ARMC9: variants seen among roughly 807,000 people sequenced by gnomAD.
ARMC9 encodes lisH domain-containing protein ARMC9.
In ARMC9, 94 loss-of-function variants were observed where a neutral mutation model predicts 107.0. The ratio of observed to expected loss-of-function variants is 0.88; its 90% CI spans 0.74 to 1.04. The LOEUF (loss-of-function observed/expected upper bound fraction) is 1.04, where lower values mean the gene tolerates loss of function less well. Ranked by LOEUF, ARMC9 falls within the 50% of genes least tolerant of loss-of-function variation. ARMC9 has a pLI of 0.00. For missense variants in ARMC9, 942 were observed against 1,030.1 expected (o/e 0.91, Z 1.17); for synonymous variants, 380 against 396.9 (o/e 0.96, Z 0.51).
At position 231,239,090 on chromosome 2, in the gene ARMC9, A is replaced by G. The variant is rs531928461; in HGVS notation, c.781-853A>G. Among the ~76,000 whole-genome samples, 5 of 152,350 alleles carry G rather than the reference A, an allele frequency of 3.3e-5. No homozygotes were observed. In the East Asian group the frequency reaches 9.6e-4, roughly 29 times the overall value. ...GAGACTATTTTCAATTATCATGCCT[A>G]GAAAAAAGTGTGGAAGGGTGTACAC... is the stretch of plus-strand genomic sequence containing the variant. On this transcript the variant is annotated intron_variant, in intron 8 of 24. Coordinates refer to ENST00000611582, the MANE Select transcript of ARMC9 (RefSeq NM_001352754.2).
intron 19 of ARMC9, among the ~76,000 whole-genome samples, chr2:231,324,196 C>T (rs1161910752): frequency 2.3e-5 from 3 of 128,850 alleles, no homozygotes; most frequent in East Asian, 2.3e-4. Flanking sequence ...GGTGCAATCT[C>T]GGCTCACTGC....
rs569902275 is a variant in ARMC9, at chr2:231,295,967, G to A, written c.1718-231G>A. The A allele has an allele frequency of 2.2e-5, 8 of 363,026 alleles. No individual in the cohort carries two copies. In the South Asian group the frequency reaches 7.7e-4, roughly 35 times the overall value. The allele number at this position is 363,026 out of a possible 1,614,324, so 22.5% of individuals were successfully genotyped here. A position where few individuals can be genotyped will look rare whatever the true frequency, so the allele number is the denominator to read the frequency against. On this transcript the variant is annotated intron_variant, in intron 18 of 24. Transcript: ENST00000611582. ...TATGCTGGCTTTTAATTTTCCCCAT[G>A]CTACTATAATCATGTTCTGGTAAAA...
chr2:231,222,815 A>C lies in ARMC9; in HGVS notation c.592A>C (p.Ile198Leu). The change falls in exon 6 of 25, where the codon ATA becomes CTA. Residue 198 changes from isoleucine (I) to leucine (L), a missense_variant. Coordinates refer to ENST00000611582, the MANE Select transcript of ARMC9 (RefSeq NM_001352754.2). ...CAGCAACACGCCAAAGCTTTTAACAATATATGTATCCTTTTGAAGCAAATA... is the reference window on the plus strand; with the variant it reads ...CAGCAACACGCCAAAGCTTTTAACACTATATGTATCCTTTTGAAGCAAATA... Reference protein sequence around the residue: ...KASNTPKLLTIYKENGQSNKE... With the variant: ...KASNTPKLLTLYKENGQSNKE... 1.3e-6 allele frequency: 2 copies of C among 1,575,196 alleles called. No individual in the cohort carries two copies. Among genetic ancestry groups the C allele is most frequent in the Non-Finnish European group, 1.7e-6 (2 of 1,148,748 alleles).
At chr2:231,370,938 C>A (rs1575207697) in intron 24 of ARMC9, 1 of 369,154 alleles carries the variant, frequency 2.7e-6, no homozygotes, top group Non-Finnish European at 5.5e-6. Context: ...ACCTTCCTGG[C>A]CAGGCCCTGG....
chr2:231,354,263 TAAAAAAAAAAAA>T (rs759691541), intron 21 of ARMC9, among the ~76,000 whole-genome samples: 15 of 100,474 alleles, frequency 1.5e-4, no homozygotes, highest in Admixed American at 2.2e-4. Flanking sequence ...CATCTCCATT[TAAAAAAAAAAAA>T]AAAAAAAAAA....
chr2:231,214,658 G>T (rs1384412839), intron 3 of ARMC9, among the ~76,000 whole-genome samples, 173 bp from the exon 4 acceptor site: 1 of 152,156 alleles, frequency 6.6e-6, no homozygotes, highest in Non-Finnish European at 1.5e-5. Flanking sequence ...GGGAAACCAG[G>T]GTTGGTGTGC....
At chr2:231,326,272 C>A (rs904627827) in intron 19 of ARMC9, among the ~76,000 whole-genome samples, 1 of 152,170 alleles carries the variant, frequency 6.6e-6, no homozygotes, top group African/African-American at 2.4e-5. Flanking sequence ...GCCTCTGTTT[C>A]CACACCAGGA....
chr2:231,368,376 T>C (rs2045895563), intron 23 of ARMC9, among the ~76,000 whole-genome samples: 1 of 152,154 alleles, frequency 6.6e-6, no homozygotes, highest in Admixed American at 6.6e-5. Flanking sequence ...ACGCGTGAGC[T>C]TGATCAATGA....
intron 20 of ARMC9, among the ~76,000 whole-genome samples, chr2:231,338,298 A>G (rs1575130646): frequency 6.7e-6 from 1 of 150,082 alleles, no homozygotes; most frequent in East Asian, 2.0e-4. Flanking sequence ...GGCTTACTGT[A>G]GCCTCCACCT....
chr2:231,199,199 T>G (rs897602317), intron 1 of ARMC9, among the ~76,000 whole-genome samples: 3 of 152,176 alleles, frequency 2.0e-5, no homozygotes, highest in Non-Finnish European at 4.4e-5. Context: ...CCTAAATCTT[T>G]CTTATATAGG....
At chr2:231,227,552 TCAAAG>T (rs1277252627) in intron 7 of ARMC9, among the ~76,000 whole-genome samples, 5 of 152,228 alleles carry the variant, frequency 3.3e-5, no homozygotes, top group Admixed American at 6.5e-5. Flanking sequence ...ATTTGCCCTT[TCAAAG>T]CAGAGTCATG....
At position 231,345,053 on chromosome 2, in the gene ARMC9, C is replaced by A. The variant is rs1409683923; in HGVS notation, c.1957C>A (p.Pro653Thr). ...QWSGDEPLQR[P>T]VTPGGHRNGY... Reference sequence around the variant, plus strand: ...GAGCGGGGATGAGCCCCTGCAAAGGCCCGTCACCCCCGGCGGCCACAGAAA... The same window carrying A: ...GAGCGGGGATGAGCCCCTGCAAAGGACCGTCACCCCCGGCGGCCACAGAAA... Residue 653 changes from proline to threonine, a missense_variant, in exon 21 of 25, where the codon CCC (proline) becomes ACC (threonine). Coordinates refer to ENST00000611582, the MANE Select transcript of ARMC9 (RefSeq NM_001352754.2). The A allele has an allele frequency of 6.2e-7, 1 of 1,613,790 alleles. No homozygotes were observed. The highest frequency in any genetic ancestry group is 1.7e-5 in the Admixed American group (1 of 59,880).
chr2:231,316,031 T>C (rs1046854815), intron 19 of ARMC9, among the ~76,000 whole-genome samples: 1 of 152,210 alleles, frequency 6.6e-6, no homozygotes, highest in African/African-American at 2.4e-5. Flanking sequence ...AGAAGAACTT[T>C]GCATCAGTAG....
chr2:231,317,523 TG>T (rs562361121), intron 19 of ARMC9, among the ~76,000 whole-genome samples: 152 of 151,580 alleles, frequency 1.0e-3, no homozygotes, highest in African/African-American at 3.2e-3. Flanking sequence ...GTGTTTGTTT[TG>T]GGGTTTTTTT....
At chr2:231,364,626 T>A (rs1027240227) in intron 23 of ARMC9, among the ~76,000 whole-genome samples, 1 of 152,082 alleles carries the variant, frequency 6.6e-6, no homozygotes, top group Non-Finnish European at 1.5e-5. Flanking sequence ...GGTGAAACCC[T>A]GTCTTTACTA....
chr2:231,239,625 G>A (rs1263682123), intron 8 of ARMC9, among the ~76,000 whole-genome samples: 1 of 152,200 alleles, frequency 6.6e-6, no homozygotes, highest in African/African-American at 2.4e-5. Context: ...TTTGTTACAT[G>A]AATTTACCAA....
intron 19 of ARMC9, among the ~76,000 whole-genome samples, chr2:231,322,079 T>C (rs141534335): frequency 1.3e-5 from 2 of 152,374 alleles, no homozygotes; most frequent in African/African-American, 4.8e-5. Context: ...TTTAATGAAC[T>C]GGTCTGGTTG....
At chr2:231,357,368 C>T (rs978301211) in intron 22 of ARMC9, among the ~76,000 whole-genome samples, 1 of 152,114 alleles carries the variant, frequency 6.6e-6, no homozygotes, top group Non-Finnish European at 1.5e-5. Context: ...TTAACCTGCC[C>T]CAAATGCTGA....
At chr2:231,336,650 C>T (rs531850569) in intron 20 of ARMC9, among the ~76,000 whole-genome samples, 1 of 152,352 alleles carries the variant, frequency 6.6e-6, no homozygotes, top group South Asian at 2.1e-4. Flanking sequence ...CCTTTCCCCT[C>T]CATCAAGTGA....
Sources: gnomAD v4.1 joint callset for allele counts (sites outside exome capture counted in the v4.1 genomes callset) on GRCh38, gnomAD v4.1.1 for gene constraint, MANE v1.5 for transcripts, NCBI Gene and HGNC (gene_info 2026-07-23, HGNC 2026-07-21) for gene names.